SIK3: variants seen among roughly 807,000 people sequenced by gnomAD.
SIK3 encodes serine/threonine-protein kinase SIK3.
A neutral mutation model predicts 144.2 loss-of-function variants in SIK3; 28 were observed. That is an observed-to-expected ratio of 0.19 (90% CI 0.14 to 0.27). The LOEUF (loss-of-function observed/expected upper bound fraction) is 0.27, where lower values mean the gene tolerates loss of function less well. Ranked by LOEUF, SIK3 falls within the 10% of genes least tolerant of loss-of-function variation. SIK3 has a pLI of 1.00. For synonymous variants in SIK3, 686 were observed against 676.3 expected (o/e 1.01, Z -0.22); for missense variants, 1,319 against 1,776.0 (o/e 0.74, Z 4.62).
chr11:116,934,645 A>G (rs1947805311), intron 3 of SIK3, among the ~76,000 whole-genome samples: 1 of 152,226 alleles, frequency 6.6e-6, no homozygotes, highest in African/African-American at 2.4e-5. Flanking sequence ...CTTATTACAC[A>G]TAAAATAGTA....
rs185208750 is a variant in SIK3 at position 116,862,911 on chromosome 11, C to T, written c.2104-584G>A. ...TCAACATGGTGAAACCCTGTCTCTA[C>T]TAAAAATACAAAAATTAGCTGGCAT... is the stretch of plus-strand genomic sequence containing the variant. On this transcript the variant is annotated intron_variant, in intron 16 of 24. Coordinates refer to ENST00000445177, the MANE Select transcript of SIK3 (RefSeq NM_001366686.3). Among the ~76,000 whole-genome samples the T allele has an allele frequency of 4.1e-3, 626 of 152,162 alleles. 8 individuals carry two copies. Among genetic ancestry groups the T allele is most frequent in the Admixed American group, 8.6e-3 (132 of 15,288 alleles).
chr11:116,876,026 GA>G lies in SIK3; in HGVS notation c.1096-18del. The G allele has an allele frequency of 6.2e-7, 1 of 1,613,132 alleles. No homozygotes were observed. ...TCTTAATGACTACCAAGAGAGAAGG[GA>G]AAAGAGTACAAAACCCTGGTGAAAT... On this transcript the variant is annotated intron_variant, in intron 8 of 24. Coordinates refer to ENST00000445177, the MANE Select transcript of SIK3 (RefSeq NM_001366686.3).
rs756090493 is a variant in SIK3, at chr11:116,897,211, C to T, written c.723G>A (p.Gly241=). 7 of 1,613,902 alleles carry T rather than the reference C, an allele frequency of 4.3e-6. No homozygotes were observed. In the South Asian group the frequency reaches 5.5e-5, roughly 13 times the overall value. Residue 241 remains glycine, a synonymous_variant, in exon 5 of 25, where the codon GGG becomes GGA. Transcript: ENST00000445177. ...TACTTACCCAGATGTCCACTTTGGGCCCATCATATTCTTTTCCTTCAAAGA... is the reference window on the plus strand; with the variant it reads ...TACTTACCCAGATGTCCACTTTGGGTCCATCATATTCTTTTCCTTCAAAGA... ...PELFEGKEYD[G]PKVDIWSLGV...
chr11:117,007,136 G>A (rs1951077976), intron 1 of SIK3, among the ~76,000 whole-genome samples: 3 of 152,212 alleles, frequency 2.0e-5, no homozygotes, highest in South Asian at 2.1e-4. Context: ...TCAGCACTTC[G>A]GGAGGCCGAG....
Position 116,868,053 on chromosome 11 carries a change from G to A in SIK3, c.1845C>T (p.Ala615=). Residue 615 remains alanine (A), a synonymous_variant, in exon 15 of 25, where the codon GCC becomes GCT. Transcript: ENST00000445177. The part of the protein sequence containing the change: ...LANRSKRHTL[A]MTNPTAEIPP... ...GGATCTCAGCTGTAGGGTTGGTCAT[G>A]GCCAGTGTATGTCTTTTGGACCTAT... 1 of 1,550,644 alleles carries A rather than the reference G, an allele frequency of 6.4e-7. No homozygotes were observed. The highest frequency in any genetic ancestry group is 8.7e-7 in the Non-Finnish European group (1 of 1,147,002).
intron 3 of SIK3, 22 bp from the exon 4 acceptor site, chr11:116,927,402 T>C (rs1224464390): frequency 1.7e-5 from 27 of 1,605,714 alleles, no homozygotes; most frequent in Non-Finnish European, 2.2e-5. Context: ...AAGAATACAG[T>C]CAGTTTTCAT....
chr11:116,888,477 T>C (rs1412927966), intron 6 of SIK3, among the ~76,000 whole-genome samples: 3 of 152,238 alleles, frequency 2.0e-5, no homozygotes, highest in Admixed American at 6.5e-5. Context: ...TGACACTTTC[T>C]GGTACTTGAA....
intron 1 of SIK3, among the ~76,000 whole-genome samples, chr11:117,093,244 T>C (rs1955323515): frequency 6.6e-6 from 1 of 152,254 alleles, no homozygotes; most frequent in African/African-American, 2.4e-5. Flanking sequence ...TCATCTCATG[T>C]GCTTCGTTAA....
At chr11:117,089,519 T>C (rs1387730329) in intron 1 of SIK3, among the ~76,000 whole-genome samples, 1 of 152,106 alleles carries the variant, frequency 6.6e-6, no homozygotes, top group African/African-American at 2.4e-5. Context: ...CCATATATCA[T>C]CCATTTCTAT....
chr11:116,965,934 CAAA>C (rs953982532), intron 1 of SIK3, among the ~76,000 whole-genome samples: 1 of 124,162 alleles, frequency 8.1e-6, no homozygotes, highest in African/African-American at 3.0e-5. Context: ...GACTCCGTCT[CAAA>C]AAAAAAAAGA....
chr11:116,872,103 G>A (rs1944000922), intron 13 of SIK3, among the ~76,000 whole-genome samples: 1 of 152,094 alleles, frequency 6.6e-6, no homozygotes, highest in Non-Finnish European at 1.5e-5. Context: ...AAGCAGAAAG[G>A]AAATGTGAAA....
intron 1 of SIK3, among the ~76,000 whole-genome samples, chr11:117,026,156 C>T (rs1952000592): frequency 1.3e-5 from 2 of 152,142 alleles, no homozygotes; most frequent in Non-Finnish European, 2.9e-5. Flanking sequence ...TTATACTGCA[C>T]CTTTCCTGTT....
At chr11:116,885,174 CAT>C in intron 6 of SIK3, among the ~76,000 whole-genome samples, 1 of 152,210 alleles carries the variant, frequency 6.6e-6, no homozygotes, top group Middle Eastern at 3.4e-3. Context: ...AGTGACTGAA[CAT>C]AGAGGCCATA....
At chr11:116,958,723 G>A (rs1949235044) in intron 1 of SIK3, among the ~76,000 whole-genome samples, 2 of 152,180 alleles carry the variant, frequency 1.3e-5, no homozygotes, top group South Asian at 2.1e-4. Flanking sequence ...AGAATTTAAT[G>A]AGGATCTCAC....
chr11:116,985,437 G>T (rs759839492), intron 1 of SIK3, among the ~76,000 whole-genome samples: 24 of 152,166 alleles, frequency 1.6e-4, no homozygotes, highest in Non-Finnish European at 2.6e-4. Context: ...ATTCATTACA[G>T]CCTAGAAATT....
At chr11:116,971,645 T>C in intron 1 of SIK3, among the ~76,000 whole-genome samples, 1 of 152,238 alleles carries the variant, frequency 6.6e-6, no homozygotes, top group East Asian at 1.9e-4. Flanking sequence ...TATTACTTTA[T>C]AGTCAATTGT....
At chr11:116,889,766 G>A (rs926388871) in intron 6 of SIK3, among the ~76,000 whole-genome samples, 5 of 152,010 alleles carry the variant, frequency 3.3e-5, no homozygotes, top group East Asian at 1.9e-4. Flanking sequence ...GCGTGGTGGC[G>A]TGCGCCTGTA....
chr11:117,074,209 G>A (rs1365279940), intron 1 of SIK3, among the ~76,000 whole-genome samples: 1 of 152,308 alleles, frequency 6.6e-6, no homozygotes, highest in African/African-American at 2.4e-5. Context: ...TTATGTCCCT[G>A]TAACAGGCTG....
At chr11:116,984,369 C>T (rs763642639) in intron 1 of SIK3, among the ~76,000 whole-genome samples, 1 of 152,140 alleles carries the variant, frequency 6.6e-6, no homozygotes, top group Non-Finnish European at 1.5e-5. Flanking sequence ...GCCTACTAAA[C>T]GTCACAGTGG....
Sources: allele counts gnomAD v4.1 joint callset (sites outside exome capture counted in the v4.1 genomes callset), GRCh38; gene constraint gnomAD v4.1.1; transcripts MANE v1.5; gene names NCBI Gene and HGNC (gene_info 2026-07-23, HGNC 2026-07-21).